VPS52: variants seen among roughly 807,000 people sequenced by gnomAD.
The protein encoded by VPS52 is VPS52 subunit of GARP complex.
A neutral mutation model predicts 98.7 loss-of-function variants in VPS52; 56 were observed. The ratio of observed to expected loss-of-function variants is 0.57; its 90% CI spans 0.46 to 0.71. VPS52 has a LOEUF of 0.71. Ranked by LOEUF, VPS52 falls within the 30% of genes least tolerant of loss-of-function variation. The pLI, the probability that VPS52 is intolerant of heterozygous loss-of-function variation, is 0.00. For missense variants in VPS52, 742 were observed against 925.9 expected (o/e 0.80, Z 2.58); for synonymous variants, 348 against 346.4 (o/e 1.00, Z -0.05).
rs1428428135 is a variant in VPS52 at position 33,268,373 on chromosome 6, G to A, written c.699+126C>T. 8.0e-6 allele frequency: 11 copies of A among 1,368,654 alleles called. No individual in the cohort carries two copies. Among genetic ancestry groups the A allele is most frequent in the Non-Finnish European group, 1.1e-5 (11 of 997,090 alleles). The allele number at this position is 1,368,654 out of a possible 1,614,324, so 84.8% of individuals were successfully genotyped here. ...AACCCAGAGAGACAAGAATGGGGCT[G>A]CCCAGAAAAGGCAGGGTGAAGTCCC... On this transcript the variant is annotated intron_variant, in intron 7 of 19. Transcript: ENST00000445902. The surrounding 1 kb of genome is among the most constrained non-coding windows in gnomAD (Gnocchi z 4.0).
rs186108830 is a variant in VPS52 at position 33,263,431 on chromosome 6, A to C, written c.1794+53T>G. ...CACACACACAGAGAGAGAGAGAGAG[A>C]GAGCTGAAAACAGCACAGAAGGCTG... is the stretch of plus-strand genomic sequence containing the variant. On this transcript the variant is annotated intron_variant, in intron 17 of 19. Coordinates refer to ENST00000445902, the MANE Select transcript of VPS52 (RefSeq NM_022553.6). 22 of 1,600,498 alleles carry C rather than the reference A, an allele frequency of 1.4e-5. 1 individual carries two copies. Among genetic ancestry groups the C allele is most frequent in the South Asian group, 4.4e-5 (4 of 90,654 alleles).
At chr6:33,251,387 T>C (rs79507667) in intron 19 of VPS52, 131 bp downstream of exon 19, 2 of 693,726 alleles carry the variant, frequency 2.9e-6, no homozygotes, top group East Asian at 2.5e-5. Flanking sequence ...AGGTTAGGGC[T>C]CATACAGAAC....
intron 17 of VPS52, among the ~76,000 whole-genome samples, chr6:33,260,978 G>A (rs866107719): frequency 6.6e-6 from 1 of 151,768 alleles, no homozygotes; most frequent in Non-Finnish European, 1.5e-5. Context: ...CAGTGTGGGA[G>A]TCAGAGTGAG....
At chr6:33,251,832 T>C (rs1562525325) in intron 18 of VPS52, 28 bp downstream of exon 18, 2 of 1,606,924 alleles carry the variant, frequency 1.2e-6, no homozygotes, top group Non-Finnish European at 1.7e-6. Context: ...TTACCACTGA[T>C]CCCATCATTA....
intron 5 of VPS52, 93 bp from the exon 6 acceptor site, chr6:33,269,282 C>A: frequency 6.4e-7 from 1 of 1,551,308 alleles, no homozygotes; most frequent in South Asian, 1.2e-5. Context: ...CAGTATTTAT[C>A]AGTCCTTGAG....
rs1477722889 is a variant in VPS52, at chr6:33,251,983, C to T, written c.1795-12G>A. On this transcript the variant is annotated splice_polypyrimidine_tract_variant and intron_variant, in intron 17 of 19. Coordinates refer to ENST00000445902, the MANE Select transcript of VPS52 (RefSeq NM_022553.6). ...TCTTCAATGAATTCCTGGAAAGACA[C>T]AAACACATATACACAGGTGTCCTGG... The T allele has an allele frequency of 1.2e-6, 2 of 1,609,918 alleles. No homozygotes were observed. Among genetic ancestry groups the T allele is most frequent in the Admixed American group, 1.7e-5 (1 of 60,010 alleles).
Position 33,268,439 on chromosome 6 carries a change from G to C in VPS52, c.699+60C>G. The C allele has an allele frequency of 6.5e-7, 1 of 1,537,224 alleles. No individual in the cohort carries two copies. Among genetic ancestry groups the C allele is most frequent in the Non-Finnish European group, 8.8e-7 (1 of 1,140,154 alleles). On this transcript the variant is annotated intron_variant, in intron 7 of 19. Coordinates refer to ENST00000445902, the MANE Select transcript of VPS52 (RefSeq NM_022553.6). The surrounding 1 kb of genome is among the most constrained non-coding windows in gnomAD (Gnocchi z 4.0). ...GTGAGCTCTGCCAAGGAAATCCATA[G>C]TGAAGATCTTGGGAAGGCTGCTTCC...
chr6:33,252,943 A>G (rs895280850), intron 17 of VPS52, among the ~76,000 whole-genome samples: 9 of 152,186 alleles, frequency 5.9e-5, no homozygotes, highest in African/African-American at 2.2e-4. Flanking sequence ...TAGAAAAAAA[A>G]AAACTAATTT....
intron 1 of VPS52, among the ~76,000 whole-genome samples, chr6:33,270,677 G>A (rs1764920715): frequency 1.3e-5 from 2 of 152,064 alleles, no homozygotes; most frequent in Admixed American, 1.3e-4. Context: ...GAGGCCGGAC[G>A]CAGTGGCTCA....
intron 17 of VPS52, among the ~76,000 whole-genome samples, chr6:33,256,840 TAAA>T (rs534430706): frequency 2.2e-5 from 2 of 91,712 alleles, no homozygotes; most frequent in Non-Finnish European, 4.6e-5. Context: ...AGACTCTGTC[TAAA>T]AAAAAAAAAA....
At chr6:33,264,197 G>T in intron 14 of VPS52, 94 bp from the exon 15 acceptor site, 1 of 1,549,064 alleles carries the variant, frequency 6.5e-7, no homozygotes, top group Non-Finnish European at 8.9e-7. Context: ...CATGTGATGT[G>T]ACTCTACCTT....
At chr6:33,271,111 GA>G in intron 1 of VPS52, 1 of 367,486 alleles carries the variant, frequency 2.7e-6, no homozygotes, top group African/African-American at 2.1e-5. Flanking sequence ...AGGCTTTCTA[GA>G]AATGTCAAAA....
chr6:33,255,526 C>T (rs1044036438), intron 17 of VPS52, among the ~76,000 whole-genome samples: 30 of 147,780 alleles, frequency 2.0e-4, no homozygotes, highest in African/African-American at 5.0e-4. Flanking sequence ...GTGGCTAACA[C>T]CTGTAATCCC....
In VPS52 at chr6:33,263,655, A is replaced by G. The variant is rs1367479154; in HGVS notation, c.1729-106T>C. The G allele has an allele frequency of 1.0e-5, 16 of 1,577,832 alleles. 1 individual carries two copies. Among genetic ancestry groups the G allele is most frequent in the Non-Finnish European group, 1.4e-5 (16 of 1,148,678 alleles). On this transcript the variant is annotated intron_variant, in intron 16 of 19. Coordinates refer to ENST00000445902, the MANE Select transcript of VPS52 (RefSeq NM_022553.6). Reference sequence around the variant, plus strand: ...TGTACTAAGCTGGACACTGTGCCAGACTCCAAGAGTAAAACACTGAACAAG... The same window carrying G: ...TGTACTAAGCTGGACACTGTGCCAGGCTCCAAGAGTAAAACACTGAACAAG...
At chr6:33,265,141 C>T (rs537435383) in intron 12 of VPS52, among the ~76,000 whole-genome samples, 1 of 152,198 alleles carries the variant, frequency 6.6e-6, no homozygotes, top group South Asian at 2.1e-4. Context: ...GGCACAATCT[C>T]GGCTCACTGC....
Position 33,267,973 on chromosome 6 carries a change from G to A in VPS52, c.825C>T (p.Gly275=), listed in dbSNP as rs916852371. ...KYRFFYQFLL[G]NERATAKEIR... ...TCTCCTTTGCTGTTGCTCGTTCATT[G>A]CCCAGCAGAAACTGATAGAAGAACC... The change falls in exon 9 of 20, where the codon GGC becomes GGT. Residue 275 remains glycine, a synonymous_variant. Coordinates refer to ENST00000445902, the MANE Select transcript of VPS52 (RefSeq NM_022553.6). This position sits in a 1 kb window ranked among gnomAD's most constrained non-coding sequence, Gnocchi z 4.2. 6.2e-7 allele frequency: 1 copy of A among 1,613,002 alleles called. No individual in the cohort carries two copies. The highest frequency in any genetic ancestry group is 8.5e-7 in the Non-Finnish European group (1 of 1,180,038).
chr6:33,261,215 C>G (rs1763592354), intron 17 of VPS52, among the ~76,000 whole-genome samples: 1 of 152,086 alleles, frequency 6.6e-6, no homozygotes, highest in South Asian at 2.1e-4. Flanking sequence ...CGCCTGTAAT[C>G]CCAGCACTTG....
intron 12 of VPS52, 117 bp from the exon 13 acceptor site, chr6:33,265,017 G>A: frequency 1.1e-6 from 1 of 917,780 alleles, no homozygotes; most frequent in Non-Finnish European, 1.8e-6. Flanking sequence ...GGACAGAAGG[G>A]AGAGACGTAA....
Position 33,266,537 on chromosome 6 carries a change from A to C in VPS52, c.1281+20T>G. On this transcript the variant is annotated intron_variant, in intron 12 of 19. Coordinates refer to ENST00000445902, the MANE Select transcript of VPS52 (RefSeq NM_022553.6). ...ACTGGGGACAAAGGTGTTGAATGGT[A>C]CAGGAAACAGGAGTCTTACCAGGGT... 6.3e-7 allele frequency: 1 copy of C among 1,583,926 alleles called. No homozygotes were observed. Among genetic ancestry groups the C allele is most frequent in the Non-Finnish European group, 8.6e-7 (1 of 1,163,366 alleles).
Sources: gnomAD v4.1 joint callset for allele counts (sites outside exome capture counted in the v4.1 genomes callset) on GRCh38, gnomAD v4.1.1 for gene constraint, Gnocchi (gnomAD v3.1) non-coding constraint, MANE v1.5 for transcripts, NCBI Gene and HGNC (gene_info 2026-07-23, HGNC 2026-07-21) for gene names.